Variants in EXOSC9 observed in about 807,000 individuals in gnomAD.
The protein encoded by EXOSC9 is exosome complex component RRP45.
EXOSC9 carries 38 observed loss-of-function variants against 56.5 expected under a neutral mutation model. That is an observed-to-expected ratio of 0.67 (90% CI 0.52 to 0.88). EXOSC9 has a LOEUF of 0.88. EXOSC9 is among the 40% of genes least tolerant of loss of function. EXOSC9 has a pLI of 0.00. For synonymous variants in EXOSC9, 170 were observed against 170.8 expected (o/e 0.99, Z 0.04); for missense variants, 559 against 530.5 (o/e 1.05, Z -0.53).
rs1487044353 is a variant in EXOSC9, at chr4:121,813,926, C to T, written c.1035C>T (p.Asn345=). ...CCCAAATTGGAGAGGGAGTAGAAAA[C>T]TCCTGGGGTGATCTTGAAGACTCTG... is the stretch of plus-strand genomic sequence containing the variant. The part of the protein sequence containing the change: ...GTAQIGEGVE[N]SWGDLEDSEK... The change falls in exon 10 of 12, where the codon AAC becomes AAT. Residue 345 remains asparagine (N), a synonymous_variant. Transcript: ENST00000243498. 6.2e-7 allele frequency: 1 copy of T among 1,613,482 alleles called. No homozygotes were observed.
chr4:121,816,938 A>G lies in EXOSC9; in HGVS notation c.*82A>G, dbSNP rs1724540196. 14 of 1,270,866 alleles carry G rather than the reference A, an allele frequency of 1.1e-5. No homozygotes were observed. In the East Asian group the frequency reaches 3.8e-4, roughly 35 times the overall value. The allele number at this position is 1,270,866 out of a possible 1,614,324, so 78.7% of individuals were successfully genotyped here. A position where few individuals can be genotyped will look rare whatever the true frequency, so the allele number is the denominator to read the frequency against. On this transcript the variant is annotated 3_prime_UTR_variant, in exon 12 of 12. Coordinates refer to ENST00000243498, the MANE Select transcript of EXOSC9 (RefSeq NM_005033.3). Reference sequence around the variant, plus strand: ...TGAGAACCCTGGGTATTTTTTATTCACAAATCCATTATAAAATCTAGCAGG... The same window carrying G: ...TGAGAACCCTGGGTATTTTTTATTCGCAAATCCATTATAAAATCTAGCAGG...
chr4:121,807,662 G>A, intron 6 of EXOSC9, 40 bp downstream of exon 6: 1 of 1,250,584 alleles, frequency 8.0e-7, no homozygotes, highest in Non-Finnish European at 1.2e-6. Context: ...TACAAATGCA[G>A]CTAGGAATTT....
chr4:121,811,160 T>G (rs1309058054), intron 7 of EXOSC9, among the ~76,000 whole-genome samples: 1 of 152,222 alleles, frequency 6.6e-6, no homozygotes, highest in Non-Finnish European at 1.5e-5. Flanking sequence ...TGCCAACACC[T>G]TGTTGTTATA....
At chr4:121,804,841 A>C in intron 5 of EXOSC9, 82 bp downstream of exon 5, 1 of 1,246,566 alleles carries the variant, frequency 8.0e-7, no homozygotes. Context: ...TTTTTAGTGA[A>C]GTTATGTTGT....
Position 121,816,846 on chromosome 4 carries a change from C to T in EXOSC9, c.1310C>T (p.Ala437Val). 6.3e-7 allele frequency: 1 copy of T among 1,587,568 alleles called. No individual in the cohort carries two copies. The highest frequency in any genetic ancestry group is 1.7e-5 in the Admixed American group (1 of 57,254). Reference sequence around the variant, plus strand: ...GTGAAAAGAAGAAAAAAGAAGAGAGCTGCCAATTAAAGCTAACAGTTGTAT... The same window carrying T: ...GTGAAAAGAAGAAAAAAGAAGAGAGTTGCCAATTAAAGCTAACAGTTGTAT... Reference protein sequence around the residue: ...KPVKRRKKKRAAN With the variant: ...KPVKRRKKKRVAN The change falls in exon 12 of 12, where the codon GCT (alanine) becomes GTT (valine). Residue 437 changes from alanine to valine, a missense_variant. By Grantham distance (64) the Ala-to-Val change is moderately conservative. Transcript: ENST00000243498.
intron 11 of EXOSC9, 151 bp downstream of exon 11, chr4:121,816,598 C>T (rs1162027628): frequency 6.1e-6 from 5 of 816,810 alleles, no homozygotes; most frequent in African/African-American, 5.3e-5. Context: ...GATTTTTTTA[C>T]CTTGTGATTT....
At chr4:121,815,815 C>T (rs1241577458) in intron 10 of EXOSC9, 1 of 1,036,394 alleles carries the variant, frequency 9.6e-7, no homozygotes, top group African/African-American at 1.7e-5. Flanking sequence ...ATGCTATATA[C>T]ATTTCCCCCT....
rs1727026516 is a variant in EXOSC9, at chr4:121,806,492, A to T, written c.523-1048A>T. 2.6e-5 allele frequency among the ~76,000 whole-genome samples: 4 copies of T among 152,180 alleles called. No individual in the cohort carries two copies. The South Asian group carries it at 8.3e-4, about 32-fold the overall frequency. The stretch of plus-strand genomic sequence containing the variant: ...GCAATGGCTTAAAATTAGAAAAAAA[A>T]AAAAAAATTCTAGCAATTCCATGCC... On this transcript the variant is annotated intron_variant, in intron 5 of 11. Coordinates refer to ENST00000243498, the MANE Select transcript of EXOSC9 (RefSeq NM_005033.3).
rs1396955646 is a variant in EXOSC9, at chr4:121,803,011, T to A, written c.378T>A (p.Gly126=). The A allele has an allele frequency of 6.2e-7, 1 of 1,609,326 alleles. No homozygotes were observed. The highest frequency in any genetic ancestry group is 1.1e-5 in the South Asian group (1 of 90,942). Residue 126 remains glycine (G), a synonymous_variant, in exon 4 of 12, where the codon GGT becomes GGA. Coordinates refer to ENST00000243498, the MANE Select transcript of EXOSC9 (RefSeq NM_005033.3). ...CTGAGTCTCTCTGTGTTGTTGCTGG[T>A]GAAAAGGTGGGGAATATGCCCATAA... ...IDTESLCVVA[G]EKVWQIRVDL...
chr4:121,813,414 A>AT (rs1724330233), intron 9 of EXOSC9, 34 bp downstream of exon 9: 1 of 1,587,104 alleles, frequency 6.3e-7, no homozygotes, highest in African/African-American at 1.4e-5. Flanking sequence ...CAGTAACAAG[A>AT]TTCATAACAC....
intron 5 of EXOSC9, among the ~76,000 whole-genome samples, chr4:121,806,725 C>G (rs901879411): frequency 1.3e-5 from 2 of 151,750 alleles, no homozygotes; most frequent in Admixed American, 1.3e-4. Flanking sequence ...ATGAAACATG[C>G]TAAGTTGAAA....
At chr4:121,815,144 C>G (rs1448144381) in intron 10 of EXOSC9, 1 of 156,698 alleles carries the variant, frequency 6.4e-6, no homozygotes, top group Non-Finnish European at 1.4e-5. Context: ...GTGGTTACTT[C>G]TATTTGGTAT....
intron 4 of EXOSC9, among the ~76,000 whole-genome samples, chr4:121,804,336 A>G (rs1213701137): frequency 6.6e-6 from 1 of 152,184 alleles, no homozygotes; most frequent in Non-Finnish European, 1.5e-5. Context: ...TTTTTAACAG[A>G]CATGATAAAA....
rs372830055 is a variant in EXOSC9 at position 121,807,540 on chromosome 4, T to C, written c.523T>C (p.Tyr175His). 6.3e-7 allele frequency: 1 copy of C among 1,595,636 alleles called. No homozygotes were observed. The highest frequency in any genetic ancestry group is 8.6e-7 in the Non-Finnish European group (1 of 1,163,908). Residue 175 changes from tyrosine to histidine, a missense_variant and splice_region_variant, in exon 6 of 12, where the codon TAT (tyrosine) becomes CAT (histidine). By Grantham distance (83) the Tyr-to-His change is moderately conservative. Transcript: ENST00000243498. ...TATTAAACATTTTCTTTTGAAACAG[T>C]ATACACCTGAAGAGCGTGATCCTGT... ...VSVQGDEVTL[Y>H]TPEERDPVPL...
At chr4:121,811,864 A>G (rs1315067235) in intron 8 of EXOSC9, among the ~76,000 whole-genome samples, 193 bp downstream of exon 8, 1 of 152,210 alleles carries the variant, frequency 6.6e-6, no homozygotes, top group Non-Finnish European at 1.5e-5. Context: ...CAAAACTCCG[A>G]AAGGTAGTGA....
chr4:121,815,957 GC>G, intron 10 of EXOSC9: 1 of 1,236,382 alleles, frequency 8.1e-7, no homozygotes, highest in South Asian at 3.9e-5. Flanking sequence ...AAAAGATTAA[GC>G]CTCCACCTAG....
At chr4:121,811,478 T>G in intron 7 of EXOSC9, 105 bp from the exon 8 acceptor site, 1 of 583,492 alleles carries the variant, frequency 1.7e-6, no homozygotes, top group Non-Finnish European at 2.9e-6. Context: ...TTTGGAAAAG[T>G]CAGGCTTAAA....
In EXOSC9 at chr4:121,813,263, AG is replaced by A. The variant is rs1274923991; in HGVS notation, c.858del (p.Glu286AspfsTer3). On this transcript the variant is annotated frameshift_variant, in exon 9 of 12. Transcript: ENST00000243498. LOFTEE classifies it high-confidence loss of function. ...RKEGGKFGFAESIANQRITAF... is the reference protein window; with the variant it reads ...RKEGGKFGFAXSIANQRITAF... ...GAAGGTGGAAAGTTTGGTTTTGCAG[AG>A]TCTATAGCAAATCAAAGGATCACAG... The A allele has an allele frequency of 5.0e-6, 8 of 1,608,380 alleles. No individual in the cohort carries two copies. In the East Asian group the frequency reaches 1.8e-4, roughly 36 times the overall value.
At position 121,810,068 on chromosome 4, in the gene EXOSC9, C is replaced by A. The variant is rs1727168021; in HGVS notation, c.707C>A (p.Ser236Tyr). Residue 236 changes from serine to tyrosine, a missense_variant, in exon 7 of 12, where the codon TCC becomes TAC. Physicochemically the swap from Ser to Tyr is moderately radical, Grantham distance 144 (BLOSUM62 -2). Transcript: ENST00000243498. ...NKHREICTIQ[S>Y]SGGIMLLKDQ... ...CATCGAGAGATTTGTACTATCCAGT[C>A]CAGTGGTGGGATAATGCTACTAAAA... is the stretch of plus-strand genomic sequence containing the variant. The A allele has an allele frequency of 6.2e-7, 1 of 1,613,576 alleles. No individual in the cohort carries two copies. The highest frequency in any genetic ancestry group is 1.3e-5 in the African/African-American group (1 of 74,872).
Sources: gnomAD v4.1 joint callset for allele counts (sites outside exome capture counted in the v4.1 genomes callset) on GRCh38, gnomAD v4.1.1 for gene constraint, MANE v1.5 for transcripts, NCBI Gene and HGNC (gene_info 2026-07-23, HGNC 2026-07-21) for gene names.